ENTPD5: variants seen among roughly 807,000 people sequenced by gnomAD.
ENTPD5 encodes the protein nucleoside diphosphate phosphatase ENTPD5.
Under a neutral mutation model 60.2 loss-of-function variants are expected in ENTPD5, and 49 were observed. That is an observed-to-expected ratio of 0.81 (90% CI 0.65 to 1.03). The LOEUF is 1.03. Among genes scored for constraint, ENTPD5 ranks in the 50% least tolerant of loss-of-function variants. The pLI, the probability that ENTPD5 is intolerant of heterozygous loss-of-function variation, is 0.00. For synonymous variants in ENTPD5, 187 were observed against 185.4 expected, an observed-to-expected ratio of 1.01 and a Z score of -0.07; for missense variants, 480 against 507.6, an observed-to-expected ratio of 0.95 and a Z score of 0.52.
intron 2 of ENTPD5, among the ~76,000 whole-genome samples, chr14:74,015,447 G>C (rs2058989271): frequency 6.9e-6 from 1 of 145,414 alleles, no homozygotes; most frequent in East Asian, 2.0e-4. Flanking sequence ...ATCTCCCTGG[G>C]CTCAGGTGAT....
intron 5 of ENTPD5, among the ~76,000 whole-genome samples, chr14:73,984,502 C>T (rs2057820264): frequency 6.6e-6 from 1 of 152,174 alleles, no homozygotes; most frequent in African/African-American, 2.4e-5. Flanking sequence ...ACAGTAGATG[C>T]TCAATTTGTA....
chr14:73,980,209 A>C (rs2057623847), intron 6 of ENTPD5, among the ~76,000 whole-genome samples: 1 of 149,604 alleles, frequency 6.7e-6, no homozygotes, highest in Admixed American at 6.7e-5. Flanking sequence ...GGCCTCCCAA[A>C]GTGTTGGGAT....
chr14:73,989,782 G>A lies in ENTPD5; in HGVS notation c.-70-1610C>T, dbSNP rs190870628. 2.1e-4 allele frequency among the ~76,000 whole-genome samples: 30 copies of A among 143,890 alleles called. No individual in the cohort carries two copies. The East Asian group carries it at 5.6e-3, about 27-fold the overall frequency. The allele number at this position is 143,890 out of a possible 152,430, so 94.4% of individuals were successfully genotyped here. On this transcript the variant is annotated intron_variant, in intron 3 of 15. Transcript: ENST00000334696. ...CGGGAGGCAGAGGTTGTAGCGAGCCGAGATCGTGCCACTGCACTCCAGCCT... is the reference window on the plus strand; with the variant it reads ...CGGGAGGCAGAGGTTGTAGCGAGCCAAGATCGTGCCACTGCACTCCAGCCT...
At chr14:73,959,013 G>A (rs1266251017), downstream of ENTPD5, 3 of 1,614,140 alleles carry the variant, frequency 1.9e-6, no homozygotes, top group Admixed American at 3.3e-5. Context: ...GCAGGCTGTT[G>A]GAATCCAGAA....
At chr14:73,973,395 A>C (rs1668839496) in intron 12 of ENTPD5, among the ~76,000 whole-genome samples, 1 of 152,218 alleles carries the variant, frequency 6.6e-6, no homozygotes, top group Admixed American at 6.5e-5. Context: ...AAGAAGATGA[A>C]TCATTCTTGT....
chr14:73,984,478 T>A (rs1207601736), intron 5 of ENTPD5, among the ~76,000 whole-genome samples: 1 of 152,206 alleles, frequency 6.6e-6, no homozygotes, highest in Non-Finnish European at 1.5e-5. Context: ...TATTCCTGTA[T>A]CATCATATGG....
chr14:73,959,939 T>G, downstream of ENTPD5: 1 of 1,147,990 alleles, frequency 8.7e-7, no homozygotes, highest in South Asian at 2.1e-5. Flanking sequence ...GTAACTATAA[T>G]GCTTGGTCTA....
rs534868432 is a variant in ENTPD5 at position 73,973,629 on chromosome 14, T to C, written c.886+248A>G. On this transcript the variant is annotated intron_variant, in intron 12 of 15. Transcript: ENST00000334696. ...TCAACCTTTGGAGTAGCTAGGACAA[T>C]AGATGTGCACCACAGCACTTGGCTA... is the stretch of plus-strand genomic sequence containing the variant. 6.6e-5 allele frequency among the ~76,000 whole-genome samples: 10 copies of C among 152,262 alleles called. No individual in the cohort carries two copies. In the East Asian group the frequency reaches 1.9e-3, roughly 29 times the overall value.
intron 3 of ENTPD5, among the ~76,000 whole-genome samples, chr14:74,006,562 T>C (rs1594949314): frequency 6.6e-6 from 1 of 151,318 alleles, no homozygotes; most frequent in South Asian, 2.1e-4. Flanking sequence ...ATATTACAGG[T>C]GTGAGCCACC....
chr14:73,973,766 G>C, intron 12 of ENTPD5, 111 bp downstream of exon 12: 1 of 861,188 alleles, frequency 1.2e-6, no homozygotes, highest in Non-Finnish European at 1.9e-6. Flanking sequence ...TTTGGAATAA[G>C]TCCCTGCAAC....
At chr14:73,982,400 T>G (rs750535028) in intron 6 of ENTPD5, among the ~76,000 whole-genome samples, 1 of 152,150 alleles carries the variant, frequency 6.6e-6, no homozygotes, top group Non-Finnish European at 1.5e-5. Flanking sequence ...TTATTGTATG[T>G]AAGTTTATCT....
In ENTPD5 at chr14:73,970,145, G is replaced by A. The variant is rs763663224; in HGVS notation, c.1085-20C>T. 6.4e-7 allele frequency: 1 copy of A among 1,564,348 alleles called. No individual in the cohort carries two copies. Among genetic ancestry groups the A allele is most frequent in the Non-Finnish European group, 8.8e-7 (1 of 1,135,070 alleles). ...CACACACTGAAAGAGAGAGTAAACA[G>A]TGGAGCTCAAGTTTGCAACTAACTG... On this transcript the variant is annotated intron_variant, in intron 14 of 15. Coordinates refer to ENST00000334696, the MANE Select transcript of ENTPD5 (RefSeq NM_001249.5).
intron 3 of ENTPD5, among the ~76,000 whole-genome samples, chr14:74,005,666 G>GGT (rs981584806): frequency 2.0e-5 from 3 of 151,970 alleles, no homozygotes; most frequent in Admixed American, 6.6e-5. Context: ...AAATTAGCTG[G>GGT]GTGTGTGGTG....
intron 3 of ENTPD5, among the ~76,000 whole-genome samples, chr14:73,999,356 C>T (rs894899630): frequency 6.6e-6 from 1 of 151,960 alleles, no homozygotes; most frequent in African/African-American, 2.4e-5. Flanking sequence ...GGTGTGGTGG[C>T]ATGCGCCTGT....
intron 5 of ENTPD5, among the ~76,000 whole-genome samples, chr14:73,984,156 T>A (rs560820577): frequency 7.2e-5 from 11 of 152,134 alleles, no homozygotes; most frequent in African/African-American, 2.7e-4. Flanking sequence ...GCCTCCTGAG[T>A]AGCTGGGATT....
At chr14:73,958,182 C>T (rs368464022), downstream of ENTPD5, 34 of 1,613,934 alleles carry the variant, frequency 2.1e-5, no homozygotes, top group South Asian at 3.3e-5. Flanking sequence ...CAAAGCCATT[C>T]GCTATACCTG....
At chr14:73,973,057 G>A in intron 12 of ENTPD5, 33 bp from the exon 13 acceptor site, 3 of 1,611,292 alleles carry the variant, frequency 1.9e-6, no homozygotes, top group Non-Finnish European at 1.7e-6. Flanking sequence ...GGTAAGGTGA[G>A]AACGACGCTG....
chr14:73,991,920 AC>A (rs2058151714), intron 3 of ENTPD5, among the ~76,000 whole-genome samples: 1 of 151,396 alleles, frequency 6.6e-6, no homozygotes, highest in Non-Finnish European at 1.5e-5. Context: ...AATCACTTGA[AC>A]CCGGGAGGTG....
intron 5 of ENTPD5, among the ~76,000 whole-genome samples, chr14:73,985,634 GAT>G (rs2057867703): frequency 6.6e-6 from 1 of 152,106 alleles, no homozygotes; most frequent in South Asian, 2.1e-4. Context: ...GCAGATTCTG[GAT>G]ATTAGCCCTT....
Sources: gnomAD v4.1 joint callset for allele counts (sites outside exome capture counted in the v4.1 genomes callset) on GRCh38, gnomAD v4.1.1 for gene constraint, MANE v1.5 for transcripts, NCBI Gene and HGNC (gene_info 2026-07-23, HGNC 2026-07-21) for gene names.